WWOX: variants seen among roughly 807,000 people sequenced by gnomAD.
WWOX encodes the protein WW domain containing oxidoreductase.
In WWOX, 69 loss-of-function variants were observed where a neutral mutation model predicts 46.2. The observed-to-expected ratio is 1.49, with a 90% CI of 1.23 to 1.82. The LOEUF is 1.82. Ranked by LOEUF, WWOX falls within the 40% of genes most tolerant of loss-of-function variation. The pLI is 0.00. For missense variants in WWOX, 919 were observed against 542.6 expected (o/e 1.69, Z -6.89); for synonymous variants, 359 against 202.6 (o/e 1.77, Z -6.56).
Position 78,603,292 on chromosome 16 carries a change from C to G in WWOX, c.1056+170540C>G, listed in dbSNP as rs1363866139. On this transcript the variant is annotated intron_variant, in intron 8 of 8. Coordinates refer to ENST00000566780, the MANE Select transcript of WWOX (RefSeq NM_016373.4). Reference sequence around the variant, plus strand: ...TGGTGACTGGAGGAGCCAGAAGGTCCCTTTGGGCCTGTCCTCTCACCAGCA... The same window carrying G: ...TGGTGACTGGAGGAGCCAGAAGGTCGCTTTGGGCCTGTCCTCTCACCAGCA... Among the ~76,000 whole-genome samples, 25 of 152,146 alleles carry G rather than the reference C, an allele frequency of 1.6e-4. 1 individual carries two copies. The highest frequency in any genetic ancestry group is 1.6e-3 in the Admixed American group (24 of 15,276).
intron 8 of WWOX, among the ~76,000 whole-genome samples, chr16:78,931,631 A>G (rs936491745): frequency 3.9e-5 from 6 of 152,224 alleles, no homozygotes; most frequent in South Asian, 2.1e-4. Flanking sequence ...TAGGTAAAAT[A>G]TAGTGCAGAA....
intron 8 of WWOX, among the ~76,000 whole-genome samples, chr16:78,841,213 T>C (rs1044810020): frequency 2.0e-5 from 3 of 152,186 alleles, no homozygotes; most frequent in Non-Finnish European, 4.4e-5. Context: ...GGGAAGATTG[T>C]GTGGTGTTTT....
chr16:78,574,922 A>G lies in WWOX; in HGVS notation c.1056+142170A>G, dbSNP rs143090634. On this transcript the variant is annotated intron_variant, in intron 8 of 8. Transcript: ENST00000566780. ...GGATGTGTTAATTAATTCGATTGTGATAATCATTACACAATGTATATAGTA... is the reference window on the plus strand; with the variant it reads ...GGATGTGTTAATTAATTCGATTGTGGTAATCATTACACAATGTATATAGTA... 1.3e-4 allele frequency among the ~76,000 whole-genome samples: 18 copies of G among 142,896 alleles called. No homozygotes were observed. The East Asian group carries it at 3.7e-3, about 30-fold the overall frequency. The allele number at this position is 142,896 out of a possible 152,430, so 93.7% of individuals were successfully genotyped here.
At chr16:79,100,268 G>C (rs187440838) in intron 8 of WWOX, among the ~76,000 whole-genome samples, 1 of 152,156 alleles carries the variant, frequency 6.6e-6, no homozygotes, top group African/African-American at 2.4e-5. Context: ...ATAAGATCAA[G>C]ATTAGAATGT....
chr16:78,824,122 A>T (rs1218681597), intron 8 of WWOX, among the ~76,000 whole-genome samples: 1 of 152,156 alleles, frequency 6.6e-6, no homozygotes, highest in East Asian at 1.9e-4. Flanking sequence ...TGAAACCTTG[A>T]AATAAAGTTT....
intron 8 of WWOX, among the ~76,000 whole-genome samples, chr16:79,156,930 T>C (rs754244003): frequency 2.6e-5 from 4 of 152,188 alleles, no homozygotes; most frequent in Admixed American, 6.5e-5. Flanking sequence ...ATTTACAATA[T>C]GTGAATTATC....
chr16:78,171,787 C>G (rs1366457150), intron 5 of WWOX, among the ~76,000 whole-genome samples: 3 of 152,128 alleles, frequency 2.0e-5, no homozygotes, highest in African/African-American at 7.2e-5. Context: ...AGTCTGCAAA[C>G]CAGCAAGAAC....
At chr16:78,417,552 C>G (rs1017928317) in intron 6 of WWOX, among the ~76,000 whole-genome samples, 2 of 152,162 alleles carry the variant, frequency 1.3e-5, no homozygotes, top group Non-Finnish European at 2.9e-5. Flanking sequence ...GAAAAGTGAG[C>G]AAAATATTTC....
intron 5 of WWOX, among the ~76,000 whole-genome samples, chr16:78,345,014 C>T (rs1042385279): frequency 8.4e-6 from 1 of 119,724 alleles, no homozygotes; most frequent in African/African-American, 2.8e-5. Context: ...AGCCTAGTCC[C>T]CACTTGATAA....
chr16:78,943,425 A>G (rs1200911045), intron 8 of WWOX, among the ~76,000 whole-genome samples: 1 of 152,120 alleles, frequency 6.6e-6, no homozygotes, highest in Non-Finnish European at 1.5e-5. Context: ...ACCCATCCAG[A>G]CCTGGAGAAC....
intron 8 of WWOX, among the ~76,000 whole-genome samples, chr16:78,491,786 C>A (rs1012424600): frequency 6.6e-6 from 1 of 152,118 alleles, no homozygotes; most frequent in African/African-American, 2.4e-5. Context: ...GAGAAAATAG[C>A]ATATAAAGTC....
At chr16:78,791,675 C>T (rs1426527533) in intron 8 of WWOX, among the ~76,000 whole-genome samples, 1 of 151,986 alleles carries the variant, frequency 6.6e-6, no homozygotes, top group African/African-American at 2.4e-5. Context: ...GTCAGAAGTT[C>T]GAGACCAGCC....
intron 8 of WWOX, among the ~76,000 whole-genome samples, chr16:78,587,923 C>T (rs536141486): frequency 3.3e-5 from 5 of 152,296 alleles, no homozygotes; most frequent in South Asian, 4.1e-4. Flanking sequence ...GTAAATCAAG[C>T]GGGCCTCCCC....
chr16:78,948,517 A>G (rs2045993160), intron 8 of WWOX, among the ~76,000 whole-genome samples: 1 of 152,120 alleles, frequency 6.6e-6, no homozygotes, highest in African/African-American at 2.4e-5. Context: ...CCAGACCCCA[A>G]GACAGCTCTG....
intron 8 of WWOX, among the ~76,000 whole-genome samples, chr16:78,492,470 T>C (rs1203186494): frequency 1.3e-5 from 2 of 152,134 alleles, no homozygotes; most frequent in South Asian, 2.1e-4. Context: ...CCAATCCACA[T>C]TGGACTGTTT....
chr16:78,703,041 C>G (rs1039132013), intron 8 of WWOX, among the ~76,000 whole-genome samples: 2 of 152,082 alleles, frequency 1.3e-5, no homozygotes, highest in Non-Finnish European at 2.9e-5. Context: ...TGGAATCTTG[C>G]AGTGCTTGTT....
intron 5 of WWOX, among the ~76,000 whole-genome samples, chr16:78,221,582 A>C (rs1371645078): frequency 1.3e-5 from 2 of 152,208 alleles, no homozygotes; most frequent in Admixed American, 1.3e-4. Context: ...GAAGTAGATA[A>C]GAAAAACAAA....
chr16:78,380,957 A>G (rs1223025570), intron 5 of WWOX, among the ~76,000 whole-genome samples: 1 of 152,118 alleles, frequency 6.6e-6, no homozygotes, highest in African/African-American at 2.4e-5. Context: ...TATTCACTCT[A>G]TCTAATCTTC....
chr16:78,767,488 G>GAGTGTGTGTGTGTCTGTGTGTT (rs1555531652), intron 8 of WWOX, among the ~76,000 whole-genome samples: 4 of 150,724 alleles, frequency 2.7e-5, no homozygotes, highest in Non-Finnish European at 5.9e-5. Flanking sequence ...GTGTCTGTGT[G>GAGTGTGTGTGTGTCTGTGTGTT]TGTGTGTGTG....
Sources: gnomAD v4.1 joint callset for allele counts (sites outside exome capture counted in the v4.1 genomes callset) on GRCh38, gnomAD v4.1.1 for gene constraint, MANE v1.5 for transcripts, NCBI Gene and HGNC (gene_info 2026-07-23, HGNC 2026-07-21) for gene names.